TBC1D32: variants seen among roughly 807,000 people sequenced by gnomAD.
TBC1D32 encodes protein broad-minded.
In TBC1D32, 151 loss-of-function variants were observed where a neutral mutation model predicts 170.3. The observed-to-expected ratio is 0.89, with a 90% confidence interval of 0.78 to 1.01. The LOEUF (loss-of-function observed/expected upper bound fraction) is 1.01, where lower values mean the gene tolerates loss of function less well. Among genes scored for constraint, TBC1D32 ranks in the 50% least tolerant of loss-of-function variants. The probability of loss-of-function intolerance (pLI) is 0.00; values close to 1 mark genes in which losing one functional copy is unlikely to be tolerated. For missense variants in TBC1D32, 1,464 were observed against 1,457.1 expected (o/e 1.00, Z -0.08); for synonymous variants, 498 against 488.0 (o/e 1.02, Z -0.27).
intron 26 of TBC1D32, among the ~76,000 whole-genome samples, chr6:121,120,931 T>C (rs1469683735): frequency 6.6e-6 from 1 of 152,044 alleles, no homozygotes; most frequent in Non-Finnish European, 1.5e-5. Context: ...TATGTGTAAA[T>C]AAATATAGGG....
chr6:121,089,451 T>C (rs1267829407), intron 31 of TBC1D32, among the ~76,000 whole-genome samples: 1 of 152,190 alleles, frequency 6.6e-6, no homozygotes, highest in Non-Finnish European at 1.5e-5. Flanking sequence ...CCACTATAGA[T>C]GATGAAAACG....
intron 31 of TBC1D32, among the ~76,000 whole-genome samples, chr6:121,081,480 C>T (rs575339077): frequency 1.1e-3 from 172 of 152,100 alleles, no homozygotes; most frequent in Non-Finnish European, 2.1e-3. Context: ...ATACAATCTA[C>T]GCAGTACCTA....
At chr6:121,081,008 T>C (rs1775588748) in intron 31 of TBC1D32, 118 bp from the exon 32 acceptor site, 1 of 1,194,438 alleles carries the variant, frequency 8.4e-7, no homozygotes. Context: ...GTGGGCTGTT[T>C]ATGTTGCCAG....
chr6:121,111,884 C>G (rs1779240793), intron 29 of TBC1D32, among the ~76,000 whole-genome samples: 1 of 152,070 alleles, frequency 6.6e-6, no homozygotes, highest in Non-Finnish European at 1.5e-5. Context: ...GAAACATTAG[C>G]ATAGCTGATA....
intron 24 of TBC1D32, among the ~76,000 whole-genome samples, chr6:121,158,389 T>C (rs191091887): frequency 1.3e-5 from 2 of 152,272 alleles, no homozygotes; most frequent in East Asian, 3.9e-4. Flanking sequence ...TTATTTTTTC[T>C]TTTAGCTCCT....
At chr6:121,313,582 T>C (rs908385046) in intron 3 of TBC1D32, among the ~76,000 whole-genome samples, 1 of 152,176 alleles carries the variant, frequency 6.6e-6, no homozygotes, top group Non-Finnish European at 1.5e-5. Flanking sequence ...AATGCTACTA[T>C]GTTCATCTTT....
chr6:121,218,112 G>A (rs906979987), intron 21 of TBC1D32, among the ~76,000 whole-genome samples: 1 of 152,200 alleles, frequency 6.6e-6, no homozygotes, highest in African/African-American at 2.4e-5. Flanking sequence ...TCAAAGAGTT[G>A]TCAGTGTGTA....
intron 15 of TBC1D32, among the ~76,000 whole-genome samples, chr6:121,259,167 G>A (rs545101212): frequency 6.6e-5 from 10 of 151,846 alleles, no homozygotes; most frequent in Non-Finnish European, 8.8e-5. Flanking sequence ...GCACGGTGGC[G>A]CACACCTATA....
chr6:121,207,613 A>G (rs551378649), intron 21 of TBC1D32, among the ~76,000 whole-genome samples: 2 of 152,334 alleles, frequency 1.3e-5, no homozygotes, highest in South Asian at 2.1e-4. Context: ...ACATGTGTCA[A>G]TAAGGGAATC....
At chr6:121,108,925 T>C (rs1437954037) in intron 29 of TBC1D32, among the ~76,000 whole-genome samples, 1 of 152,168 alleles carries the variant, frequency 6.6e-6, no homozygotes, top group Admixed American at 6.6e-5. Context: ...GCATCATGCA[T>C]AGAGGTAAAC....
chr6:121,217,648 T>C (rs1331309814), intron 21 of TBC1D32, among the ~76,000 whole-genome samples: 2 of 151,798 alleles, frequency 1.3e-5, no homozygotes, highest in South Asian at 4.2e-4. Context: ...TATTAGAGGG[T>C]AGGAGGTGGA....
At chr6:121,182,135 T>C (rs1030355666) in intron 22 of TBC1D32, among the ~76,000 whole-genome samples, 1 of 151,940 alleles carries the variant, frequency 6.6e-6, no homozygotes, top group Non-Finnish European at 1.5e-5. Flanking sequence ...GTAAACATCA[T>C]AAAAGTCAAA....
At chr6:121,123,927 TG>T (rs1313665598) in intron 26 of TBC1D32, among the ~76,000 whole-genome samples, 1 of 151,918 alleles carries the variant, frequency 6.6e-6, no homozygotes, top group East Asian at 1.9e-4. Flanking sequence ...GTTATTATGA[TG>T]TTATTTTAAA....
intron 22 of TBC1D32, among the ~76,000 whole-genome samples, chr6:121,204,746 T>C (rs1258051586): frequency 6.8e-6 from 1 of 148,042 alleles, no homozygotes. Context: ...GAGGGTATAT[T>C]GTGACAAGAA....
intron 21 of TBC1D32, among the ~76,000 whole-genome samples, chr6:121,211,650 C>A (rs1357249643): frequency 6.6e-6 from 1 of 152,168 alleles, no homozygotes; most frequent in Admixed American, 6.5e-5. Context: ...TTATTTCATT[C>A]CTTTATTATG....
intron 22 of TBC1D32, among the ~76,000 whole-genome samples, chr6:121,179,111 A>T (rs1788168476): frequency 6.6e-6 from 1 of 152,164 alleles, no homozygotes; most frequent in African/African-American, 2.4e-5. Flanking sequence ...CTAAGCAATT[A>T]AAAGTATGAT....
chr6:121,289,246 C>T (rs976163277), intron 12 of TBC1D32, among the ~76,000 whole-genome samples: 1 of 152,114 alleles, frequency 6.6e-6, no homozygotes, highest in Non-Finnish European at 1.5e-5. Flanking sequence ...GATTGTATAT[C>T]TAGAAAACCC....
At chr6:121,306,556 T>C (rs1004260681) in intron 5 of TBC1D32, among the ~76,000 whole-genome samples, 1 of 152,160 alleles carries the variant, frequency 6.6e-6, no homozygotes, top group Non-Finnish European at 1.5e-5. Context: ...CCAAACATCA[T>C]ATCGATTTTA....
chr6:121,126,751 T>C (rs1251907284), intron 25 of TBC1D32, among the ~76,000 whole-genome samples: 1 of 151,360 alleles, frequency 6.6e-6, no homozygotes, highest in African/African-American at 2.4e-5. Flanking sequence ...ATTTCAAAAC[T>C]GAAAAAAAAA....
Sources: allele counts gnomAD v4.1 joint callset (sites outside exome capture counted in the v4.1 genomes callset), GRCh38; gene constraint gnomAD v4.1.1; transcripts MANE v1.5; gene names NCBI Gene and HGNC (gene_info 2026-07-23, HGNC 2026-07-21).